IGSF22: variants seen among roughly 807,000 people sequenced by gnomAD.
IGSF22 encodes immunoglobulin superfamily member 22, also known as immunoglobulin superfamily, member 22.
A neutral mutation model predicts 127.0 loss-of-function variants in IGSF22; 119 were observed. The ratio of observed to expected loss-of-function variants is 0.94; its 90% confidence interval spans 0.81 to 1.09. The LOEUF is 1.09. Among genes scored for constraint, IGSF22 ranks in the 50% least tolerant of loss-of-function variants. The pLI is 0.00. For synonymous variants in IGSF22, 568 were observed against 664.7 expected (o/e 0.85, Z 2.24); for missense variants, 1,518 against 1,716.6 (o/e 0.88, Z 2.04).
At chr11:18,719,310 G>GT (rs55831921) in intron 7 of IGSF22, among the ~76,000 whole-genome samples, 81,782 of 149,518 alleles carry the variant, frequency 0.55, 22,746 homozygotes, top group East Asian at 0.61. Context: ...ACACCCAGCG[G>GT]TTTTTTTTTG....
At chr11:18,710,220 T>C in intron 17 of IGSF22, 107 bp downstream of exon 17, 1 of 1,435,136 alleles carries the variant, frequency 7.0e-7, no homozygotes, top group Non-Finnish European at 9.6e-7. Flanking sequence ...TTCCAGAGTG[T>C]AGAGACTGTG....
At chr11:18,722,318 A>T (rs199930217) in intron 2 of IGSF22, among the ~76,000 whole-genome samples, 1 of 126,608 alleles carries the variant, frequency 7.9e-6, no homozygotes. Context: ...TTTTTTTTTT[A>T]AAGGAGGCTT....
rs181962057 is a variant in IGSF22 at position 18,711,638 on chromosome 11, T to G, written c.2398+444A>C. 1.2e-3 allele frequency among the ~76,000 whole-genome samples: 188 copies of G among 152,286 alleles called. 1 individual carries two copies. The highest frequency in any genetic ancestry group is 4.3e-3 in the African/African-American group (178 of 41,558). Reference sequence around the variant, plus strand: ...GTCCTGAACTCCTGACCTCAGGTGATCCTCCCACCTCGGCCTCCCAAAGTG... The same window carrying G: ...GTCCTGAACTCCTGACCTCAGGTGAGCCTCCCACCTCGGCCTCCCAAAGTG... On this transcript the variant is annotated intron_variant, in intron 15 of 22. Coordinates refer to ENST00000513874, the MANE Select transcript of IGSF22 (RefSeq NM_173588.4).
At chr11:18,721,480 G>T in intron 4 of IGSF22, 55 bp downstream of exon 4, 1 of 1,611,422 alleles carries the variant, frequency 6.2e-7, no homozygotes, top group Non-Finnish European at 8.5e-7. Flanking sequence ...GGCCCGCCCT[G>T]GGGGTCCCTG....
intron 9 of IGSF22, 138 bp downstream of exon 9, chr11:18,717,793 G>T (rs1227223317): frequency 1.1e-6 from 1 of 880,218 alleles, no homozygotes; most frequent in Non-Finnish European, 1.8e-6. Context: ...TCCCTCCATT[G>T]ACTCCCATCC....
At position 18,714,539 on chromosome 11, in the gene IGSF22, G is replaced by A. The variant is rs374167343; in HGVS notation, c.1617C>T (p.Asp539=). The part of the protein sequence containing the change: ...SPAELCVVLN[D]EKVEGVWLKD... ...TCAGCCACACACCCTCCACCTTCTC[G>A]TCATTCAGCACTACACACAACTCAG... The change falls in exon 12 of 23, where the codon GAC becomes GAT. Residue 539 remains aspartate, a synonymous_variant. Coordinates refer to ENST00000513874, the MANE Select transcript of IGSF22 (RefSeq NM_173588.4). 2.0e-4 allele frequency: 319 copies of A among 1,614,134 alleles called. 1 individual carries two copies. In the African/African-American group the frequency reaches 3.0e-3, roughly 15 times the overall value.
In IGSF22 at chr11:18,707,865, G is replaced by A. The variant is rs1848273596; in HGVS notation, c.3219C>T (p.Tyr1073=). Reference sequence around the variant, plus strand: ...CAAACTCATTCTGAAGCAAGATTCGGTACACCCCTGAGTCAGAGCGCTTGG... The same window carrying A: ...CAAACTCATTCTGAAGCAAGATTCGATACACCCCTGAGTCAGAGCGCTTGG... ...NSTKRSDSGV[Y]RILLQNEFGE... Residue 1073 remains tyrosine (Y), a synonymous_variant, in exon 20 of 23, where the codon TAC becomes TAT. Transcript: ENST00000513874. 1.2e-6 allele frequency: 2 copies of A among 1,613,976 alleles called. No individual in the cohort carries two copies. Among genetic ancestry groups the A allele is most frequent in the African/African-American group, 1.3e-5 (1 of 75,040 alleles).
intron 1 of IGSF22, among the ~76,000 whole-genome samples, chr11:18,724,668 T>G (rs1848623969): frequency 6.6e-6 from 1 of 152,046 alleles, no homozygotes; most frequent in Non-Finnish European, 1.5e-5. Context: ...CATACTGGAG[T>G]GGGCTTTAGA....
Position 18,710,774 on chromosome 11 carries a change from A to C in IGSF22, c.2453T>G (p.Val818Gly), listed in dbSNP as rs758664975. 6.2e-7 allele frequency: 1 copy of C among 1,614,164 alleles called. No homozygotes were observed. Among genetic ancestry groups the C allele is most frequent in the Non-Finnish European group, 8.5e-7 (1 of 1,180,002 alleles). The change falls in exon 16 of 23, where the codon GTG (valine) becomes GGG (glycine). Residue 818 changes from valine (V) to glycine (G), a missense_variant. Val to Gly is a moderately radical substitution (Grantham distance 109). Coordinates refer to ENST00000513874, the MANE Select transcript of IGSF22 (RefSeq NM_173588.4). ...PQVTDVTKEA[V>G]TITWNAPTQD... ...GGTAGGGGCATTCCACGTGATGGTC[A>C]CGGCTTCTTTAGTCACATCAGTCAC...
Position 18,712,081 on chromosome 11 carries a change from C to T in IGSF22, c.2398+1G>A. 1 of 1,548,792 alleles carries T rather than the reference C, an allele frequency of 6.5e-7. No individual in the cohort carries two copies. The highest frequency in any genetic ancestry group is 8.7e-7 in the Non-Finnish European group (1 of 1,144,990). On this transcript the variant is annotated splice_donor_variant, in intron 15 of 22. Transcript: ENST00000513874. LOFTEE classifies it high-confidence loss of function. The stretch of plus-strand genomic sequence containing the variant: ...ACTGAGCACCAGGCTATCTCACTGA[C>T]CTATGGGATTTCCTGCAAACACTTC...
In IGSF22 at chr11:18,709,294, A is replaced by T; in HGVS notation, c.2998+93T>A. Reference sequence around the variant, plus strand: ...TGGATGACTTTTTCATGATCCTAGCATCATCCAATTTTCCTGTGGGATGAG... The same window carrying T: ...TGGATGACTTTTTCATGATCCTAGCTTCATCCAATTTTCCTGTGGGATGAG... On this transcript the variant is annotated intron_variant, in intron 18 of 22. Transcript: ENST00000513874. The surrounding 1 kb of genome is among the most constrained non-coding windows in gnomAD (Gnocchi z 4.8). The T allele has an allele frequency of 7.5e-7, 1 of 1,334,138 alleles. No individual in the cohort carries two copies. Among genetic ancestry groups the T allele is most frequent in the Non-Finnish European group, 1.0e-6 (1 of 960,306 alleles). The allele number at this position is 1,334,138 out of a possible 1,614,324, so 82.6% of individuals were successfully genotyped here.
chr11:18,708,487 C>G (rs1848290608), intron 18 of IGSF22, among the ~76,000 whole-genome samples, 192 bp from the exon 19 acceptor site: 1 of 152,224 alleles, frequency 6.6e-6, no homozygotes. Flanking sequence ...TACTAGTACG[C>G]AAGACCCTGG....
chr11:18,709,640 G>A lies in IGSF22; in HGVS notation c.2745C>T (p.Ser915=), dbSNP rs753488615. 3 of 1,614,028 alleles carry A rather than the reference G, an allele frequency of 1.9e-6. No homozygotes were observed. The highest frequency in any genetic ancestry group is 2.5e-6 in the Non-Finnish European group (3 of 1,180,026). Residue 915 remains serine (S), a synonymous_variant, in exon 18 of 23, where the codon TCC becomes TCT. Coordinates refer to ENST00000513874, the MANE Select transcript of IGSF22 (RefSeq NM_173588.4). The surrounding 1 kb of genome is among the most constrained non-coding windows in gnomAD (Gnocchi z 4.8). ...LVQDLHVSDS[S]NSSISLAWRE... is the part of the protein sequence containing the mutation. Reference sequence around the variant, plus strand: ...GCCAGGCCAGGGAAATGCTGGAGTTGGAGGAATCAGATACATGCAGGTCCT... The same window carrying A: ...GCCAGGCCAGGGAAATGCTGGAGTTAGAGGAATCAGATACATGCAGGTCCT...
At chr11:18,720,363 CTTT>C (rs76183328) in intron 4 of IGSF22, 78 bp from the exon 5 acceptor site, 49 of 846,042 alleles carry the variant, frequency 5.8e-5, no homozygotes, top group South Asian at 8.2e-5. Flanking sequence ...GGTAGGAGGC[CTTT>C]TTTTTTTTTA....
chr11:18,716,587 A>T lies in IGSF22; in HGVS notation c.1246+141T>A, dbSNP rs1848466980. On this transcript the variant is annotated intron_variant, in intron 10 of 22. Transcript: ENST00000513874. This position sits in a 1 kb window ranked among gnomAD's most constrained non-coding sequence, Gnocchi z 4.5. Reference sequence around the variant, plus strand: ...TAGACTAGGGGTTAACAGAGAGGAGATCCCCCTGTCTTTCCAGTACCTACC... The same window carrying T: ...TAGACTAGGGGTTAACAGAGAGGAGTTCCCCCTGTCTTTCCAGTACCTACC... 1 of 783,916 alleles carries T rather than the reference A, an allele frequency of 1.3e-6. No individual in the cohort carries two copies. Among genetic ancestry groups the T allele is most frequent in the East Asian group, 2.5e-5 (1 of 39,604 alleles). The allele number at this position is 783,916 out of a possible 1,614,324, so 48.6% of individuals were successfully genotyped here. A position where few individuals can be genotyped will look rare whatever the true frequency, so the allele number is the denominator to read the frequency against.
chr11:18,726,010 G>C (rs1848646514), intron 1 of IGSF22, 64 bp downstream of exon 1: 1 of 152,294 alleles, frequency 6.6e-6, no homozygotes, highest in East Asian at 1.9e-4. Context: ...CTACCCTATA[G>C]TCCCCTCTGG....
At chr11:18,713,020 T>C (rs1229788911) in intron 14 of IGSF22, among the ~76,000 whole-genome samples, 4 of 152,100 alleles carry the variant, frequency 2.6e-5, no homozygotes, top group Non-Finnish European at 5.9e-5. Context: ...CCCCATTCCA[T>C]CTTTCCCACC....
At chr11:18,711,437 G>A (rs1234504060) in intron 15 of IGSF22, among the ~76,000 whole-genome samples, 1 of 152,090 alleles carries the variant, frequency 6.6e-6, no homozygotes, top group East Asian at 1.9e-4. Flanking sequence ...TCACTCTATT[G>A]CCCAGGCTGG....
In IGSF22 at chr11:18,705,363, A is replaced by C. The variant is rs1848203901; in HGVS notation, c.3910+454T>G. ...AACATGGCATGCATGTACAAAAGGG[A>C]GGGTTCCCTTCGCTCCTTCCCTTGT... On this transcript the variant is annotated intron_variant, in intron 22 of 22. Coordinates refer to ENST00000513874, the MANE Select transcript of IGSF22 (RefSeq NM_173588.4). 1.2e-5 allele frequency: 2 copies of C among 171,562 alleles called. 1 individual carries two copies. The highest frequency in any genetic ancestry group is 3.0e-4 in the South Asian group (2 of 6,590). 10.6% of individuals were successfully genotyped at this position (171,562 alleles called of 1,614,324 possible).
Sources: allele counts gnomAD v4.1 joint callset (sites outside exome capture counted in the v4.1 genomes callset), GRCh38; gene constraint gnomAD v4.1.1; non-coding constraint Gnocchi (gnomAD v3.1); transcripts MANE v1.5; gene names NCBI Gene and HGNC (gene_info 2026-07-23, HGNC 2026-07-21).